LRRC15: variants seen among roughly 807,000 people sequenced by gnomAD.
LRRC15 encodes leucine rich repeat containing 15, also known as leucine-rich repeat-containing protein 15.
A neutral mutation model predicts 4.3 loss-of-function variants in LRRC15; 5 were observed. The observed-to-expected ratio is 1.16, with a 90% confidence interval of 0.61 to 2.44. The LOEUF is 2.44. Among genes scored for constraint, LRRC15 ranks in the 30% most tolerant of loss-of-function variants. LRRC15 has a pLI of 0.01. For missense variants in LRRC15, 769 were observed against 747.0 expected (o/e 1.03, Z -0.34); for synonymous variants, 337 against 323.2 (o/e 1.04, Z -0.46).
Position 194,360,553 on chromosome 3 carries a change from A to C in LRRC15, c.491T>G (p.Ile164Ser). The C allele has an allele frequency of 6.2e-7, 1 of 1,614,032 alleles. No individual in the cohort carries two copies. The highest frequency in any genetic ancestry group is 8.5e-7 in the Non-Finnish European group (1 of 1,180,022). Residue 164 changes from isoleucine to serine, a missense_variant, in exon 2 of 2, where the codon ATC (isoleucine) becomes AGC (serine). By Grantham distance (142) the Ile-to-Ser change is moderately radical (BLOSUM62 -2). Transcript: ENST00000347624. The part of the protein sequence containing the change: ...LQLHGNHLEY[I>S]PDGAFDHLVG... ...CAGGTGGTCGAAGGCTCCGTCAGGG[A>C]TGTATTCCAGGTGGTTGCCGTGCAA... is the stretch of plus-strand genomic sequence containing the variant.
At chr3:194,361,165 C>A (rs1713618951) in intron 1 of LRRC15, 119 bp from the exon 2 acceptor site, 3 of 805,910 alleles carry the variant, frequency 3.7e-6, no homozygotes, top group Non-Finnish European at 5.6e-6. Context: ...TCATCACATA[C>A]TGAACACATG....
rs137964470 is a variant in LRRC15, at chr3:194,366,290, G to A, written c.-4+3371C>T. On this transcript the variant is annotated intron_variant, in intron 1 of 1. Coordinates refer to ENST00000347624, the MANE Select transcript of LRRC15 (RefSeq NM_130830.5). ...AGCGTTGCTGCTGTGAGGATTAAAC[G>A]AGTTAATGCATGTGAAGCACTTGGG... 7.2e-4 allele frequency among the ~76,000 whole-genome samples: 109 copies of A among 152,364 alleles called. No individual in the cohort carries two copies. The South Asian group carries it at 8.7e-3, about 12-fold the overall frequency.
Position 194,358,830 on chromosome 3 carries a change from G to A in LRRC15, c.*468C>T, listed in dbSNP as rs6789434. The A allele has an allele frequency of 0.18, 27,957 of 155,598 alleles. 2,942 individuals carry two copies. The highest frequency in any genetic ancestry group is 0.24 in the Non-Finnish European group (16,908 of 69,828). 9.6% of individuals were successfully genotyped at this position (155,598 alleles called of 1,614,324 possible). On this transcript the variant is annotated 3_prime_UTR_variant, in exon 2 of 2. Transcript: ENST00000347624. ...TTGAGGGGACATGCTGGGTCAAGCCGTAGCACAAACAAGAGAAACAAAAGA... is the reference window on the plus strand; with the variant it reads ...TTGAGGGGACATGCTGGGTCAAGCCATAGCACAAACAAGAGAAACAAAAGA...
Position 194,359,217 on chromosome 3 carries a change from G to T in LRRC15, c.*81C>A. ...AGAGCAATCACGGGAAAGCTCCATG[G>T]ACCCAGGGGTGGAGGCAGAAAGATG... On this transcript the variant is annotated 3_prime_UTR_variant, in exon 2 of 2. Coordinates refer to ENST00000347624, the MANE Select transcript of LRRC15 (RefSeq NM_130830.5). The T allele has an allele frequency of 7.5e-7, 1 of 1,339,838 alleles. No homozygotes were observed. Among genetic ancestry groups the T allele is most frequent in the Non-Finnish European group, 1.0e-6 (1 of 980,052 alleles). The allele number at this position is 1,339,838 out of a possible 1,614,324, so 83.0% of individuals were successfully genotyped here. A position where few individuals can be genotyped will look rare whatever the true frequency, so the allele number is the denominator to read the frequency against.
In LRRC15 at chr3:194,359,677, G is replaced by A; in HGVS notation, c.1367C>T (p.Pro456Leu). Residue 456 changes from proline to leucine, a missense_variant, in exon 2 of 2, where the codon CCA becomes CTA. Pro to Leu is a moderately conservative substitution (Grantham distance 98, BLOSUM62 -3). Transcript: ENST00000347624. ...GAGGGACTGGCCTCGGACATTGGCT[G>A]GGCTGAAACACACAGGTACAGTGTC... ...GTDTVPVCFS[P>L]ANVRGQSLII... is the part of the protein sequence containing the mutation. The A allele has an allele frequency of 6.2e-7, 1 of 1,614,164 alleles. No homozygotes were observed. The highest frequency in any genetic ancestry group is 8.5e-7 in the Non-Finnish European group (1 of 1,180,032).
Position 194,356,268 on chromosome 3 carries a change from G to C in LRRC15, c.*3030C>G, listed in dbSNP as rs903042184. 1 of 152,126 alleles carries C rather than the reference G, an allele frequency of 6.6e-6. No homozygotes were observed. The highest frequency in any genetic ancestry group is 1.5e-5 in the Non-Finnish European group (1 of 68,020). The allele number at this position is 152,126 out of a possible 1,614,324, so 9.4% of individuals were successfully genotyped here. A position where few individuals can be genotyped will look rare whatever the true frequency, so the allele number is the denominator to read the frequency against. On this transcript the variant is annotated 3_prime_UTR_variant, in exon 2 of 2. Transcript: ENST00000347624. ...ACAGTAAGCACTTTTTAAAAATAGT[G>C]GTTCTAATTGGCTTTTGTTGTTTCT...
chr3:194,360,168 C>T lies in LRRC15; in HGVS notation c.876G>A (p.Met292Ile). Residue 292 changes from methionine (M) to isoleucine (I), a missense_variant, in exon 2 of 2, where the codon ATG (methionine) becomes ATA (isoleucine). Coordinates refer to ENST00000347624, the MANE Select transcript of LRRC15 (RefSeq NM_130830.5). Reference sequence around the variant, plus strand: ...AGAGCCAAAGCTCCCGCAGGTTGGGCATGGGCCCGAAGATCCCCGGAGAGA... The same window carrying T: ...AGAGCCAAAGCTCCCGCAGGTTGGGTATGGGCCCGAAGATCCCCGGAGAGA... ...KELSPGIFGP[M>I]PNLRELWLYD... 4 of 1,613,842 alleles carry T rather than the reference C, an allele frequency of 2.5e-6. No homozygotes were observed. Among genetic ancestry groups the T allele is most frequent in the Middle Eastern group, 3.3e-4 (2 of 6,062 alleles).
chr3:194,361,098 G>T, intron 1 of LRRC15, 52 bp from the exon 2 acceptor site: 2 of 1,435,638 alleles, frequency 1.4e-6, no homozygotes, highest in Non-Finnish European at 1.8e-6. Flanking sequence ...CCTGACACTG[G>T]CAAGTTTTAA....
rs774946585 is a variant in LRRC15 at position 194,360,782 on chromosome 3, C to G, written c.262G>C (p.Glu88Gln). The G allele has an allele frequency of 3.1e-6, 5 of 1,614,122 alleles. No individual in the cohort carries two copies. Among genetic ancestry groups the G allele is most frequent in the Non-Finnish European group, 4.2e-6 (5 of 1,180,056 alleles). Residue 88 changes from glutamate (E) to glutamine (Q), a missense_variant, in exon 2 of 2, where the codon GAG (glutamate) becomes CAG (glutamine). By Grantham distance (29) the Glu-to-Gln change is conservative. Coordinates refer to ENST00000347624, the MANE Select transcript of LRRC15 (RefSeq NM_130830.5). Reference sequence around the variant, plus strand: ...GCCCCAGGCGTGATGCGCGACAGCTCATTCTTCTCAATCCTCAGGGCGATG... The same window carrying G: ...GCCCCAGGCGTGATGCGCGACAGCTGATTCTTCTCAATCCTCAGGGCGATG... Reference protein sequence around the residue: ...ALIALRIEKNELSRITPGAFR... With the variant: ...ALIALRIEKNQLSRITPGAFR...
At chr3:194,365,416 C>T (rs967753535) in intron 1 of LRRC15, among the ~76,000 whole-genome samples, 7 of 152,156 alleles carry the variant, frequency 4.6e-5, no homozygotes, top group Admixed American at 2.0e-4. Context: ...TGGTTTAATA[C>T]CATCGTTCAC....
chr3:194,369,031 G>A (rs1311777870), intron 1 of LRRC15, among the ~76,000 whole-genome samples: 1 of 152,226 alleles, frequency 6.6e-6, no homozygotes, highest in South Asian at 2.1e-4. Flanking sequence ...GTTAGAGCCT[G>A]AACAATGCTG....
Position 194,360,711 on chromosome 3 carries a change from G to T in LRRC15, c.333C>A (p.Asn111Lys), listed in dbSNP as rs1345870714. 3.7e-6 allele frequency: 6 copies of T among 1,614,240 alleles called. No individual in the cohort carries two copies. The highest frequency in any genetic ancestry group is 5.1e-6 in the Non-Finnish European group (6 of 1,180,040). ...GGCCGATGGGCAGAACCTGCAGCTT[G>T]TTGTTGGCGAGGCTGAGATAGCGCA... ...GSLRYLSLAN[N>K]KLQVLPIGLF... Residue 111 changes from asparagine (N) to lysine (K), a missense_variant, in exon 2 of 2, where the codon AAC becomes AAA. By Grantham distance (94) the Asn-to-Lys change is moderately conservative. Transcript: ENST00000347624.
intron 1 of LRRC15, among the ~76,000 whole-genome samples, chr3:194,365,722 G>A (rs146238575): frequency 4.7e-4 from 72 of 152,224 alleles, no homozygotes; most frequent in African/African-American, 1.3e-3. Flanking sequence ...AGGGCCGCCC[G>A]GCCCGGCTCC....
chr3:194,368,348 T>G (rs1195206698), intron 1 of LRRC15, among the ~76,000 whole-genome samples: 1 of 151,398 alleles, frequency 6.6e-6, no homozygotes, highest in Non-Finnish European at 1.5e-5. Flanking sequence ...GCTAAGGGAG[T>G]GTTCCCTAGC....
Position 194,359,941 on chromosome 3 carries a change from T to G in LRRC15, c.1103A>C (p.Gln368Pro). The change falls in exon 2 of 2, where the codon CAG becomes CCG. Residue 368 changes from glutamine to proline, a missense_variant. Physicochemically the swap from Gln to Pro is moderately conservative, Grantham distance 76. Transcript: ENST00000347624. Reference sequence around the variant, plus strand: ...GCGGTTGTTCTGCAGGGAGATGTTCTGCAGGTTGGCCAACATGCGGAAGAC... The same window carrying G: ...GCGGTTGTTCTGCAGGGAGATGTTCGGCAGGTTGGCCAACATGCGGAAGAC... ...GNVFRMLANL[Q>P]NISLQNNRLR... is the part of the protein sequence containing the mutation. The G allele has an allele frequency of 6.2e-7, 1 of 1,614,216 alleles. No homozygotes were observed. The highest frequency in any genetic ancestry group is 8.5e-7 in the Non-Finnish European group (1 of 1,180,046).
Position 194,358,652 on chromosome 3 carries a change from T to C in LRRC15, c.*646A>G, listed in dbSNP as rs1217768335. ...TGACGGCTCTTCTGTCTCCAGGAAC[T>C]GAGCGGCATGATTTTCCTTCTCTCT... On this transcript the variant is annotated 3_prime_UTR_variant, in exon 2 of 2. Transcript: ENST00000347624. The C allele has an allele frequency of 6.6e-6, 1 of 152,568 alleles. No individual in the cohort carries two copies. The highest frequency in any genetic ancestry group is 1.5e-5 in the Non-Finnish European group (1 of 68,030). The allele number at this position is 152,568 out of a possible 1,614,324, so 9.5% of individuals were successfully genotyped here. A position where few individuals can be genotyped will look rare whatever the true frequency, so the allele number is the denominator to read the frequency against.
In LRRC15 at chr3:194,361,072, TAGTC is replaced by T. The variant is rs773930305; in HGVS notation, c.-3-30_-3-27del. On this transcript the variant is annotated intron_variant, in intron 1 of 1. Coordinates refer to ENST00000347624, the MANE Select transcript of LRRC15 (RefSeq NM_130830.5). ...CTGTGCAAGGGGAGAGAGCACACGTTAGTCAGGGTCCTCTACCTGACACTGGCAA... is the reference window on the plus strand; with the variant it reads ...CTGTGCAAGGGGAGAGAGCACACGTTAGGGTCCTCTACCTGACACTGGCAA... 10 of 1,483,754 alleles carry T rather than the reference TAGTC, an allele frequency of 6.7e-6. No individual in the cohort carries two copies. The South Asian group carries it at 1.2e-4, about 18-fold the overall frequency. 91.9% of individuals were successfully genotyped at this position (1,483,754 alleles called of 1,614,324 possible).
At position 194,359,702 on chromosome 3, in the gene LRRC15, C is replaced by T. The variant is rs1713543766; in HGVS notation, c.1342G>A (p.Asp448Asn). 1.9e-6 allele frequency: 3 copies of T among 1,614,084 alleles called. No homozygotes were observed. ...GGGCTGAAACACACAGGTACAGTGTCCGTCCCTAACCTAGGCTGGTTGAGC... is the reference window on the plus strand; with the variant it reads ...GGGCTGAAACACACAGGTACAGTGTTCGTCCCTAACCTAGGCTGGTTGAGC... The part of the protein sequence containing the change: ...LLLNQPRLGT[D>N]TVPVCFSPAN... Residue 448 changes from aspartate (D) to asparagine (N), a missense_variant, in exon 2 of 2, where the codon GAC becomes AAC. Coordinates refer to ENST00000347624, the MANE Select transcript of LRRC15 (RefSeq NM_130830.5).
Position 194,366,267 on chromosome 3 carries a change from C to T in LRRC15, c.-4+3394G>A, listed in dbSNP as rs146936201. Among the ~76,000 whole-genome samples, 3 of 152,354 alleles carry T rather than the reference C, an allele frequency of 2.0e-5. No homozygotes were observed. In the East Asian group the frequency reaches 5.8e-4, roughly 29 times the overall value. On this transcript the variant is annotated intron_variant, in intron 1 of 1. Coordinates refer to ENST00000347624, the MANE Select transcript of LRRC15 (RefSeq NM_130830.5). ...TTGTTTAATAGAACTGACCTCATAG[C>T]GTTGCTGCTGTGAGGATTAAACGAG...
Sources: gnomAD v4.1 joint callset for allele counts (sites outside exome capture counted in the v4.1 genomes callset) on GRCh38, gnomAD v4.1.1 for gene constraint, MANE v1.5 for transcripts, NCBI Gene and HGNC (gene_info 2026-07-23, HGNC 2026-07-21) for gene names.